Variants in CACNA1C observed in about 807,000 individuals in gnomAD.
CACNA1C encodes the protein voltage-dependent L-type calcium channel subunit alpha-1C.
CACNA1C carries 30 observed loss-of-function variants against 229.0 expected under a neutral mutation model. The ratio of observed to expected loss-of-function variants is 0.13; its 90% CI spans 0.10 to 0.18. CACNA1C has a LOEUF of 0.18. Ranked by LOEUF, CACNA1C falls within the 10% of genes least tolerant of loss-of-function variation. The pLI, the probability that CACNA1C is intolerant of heterozygous loss-of-function variation, is 1.00. For missense variants in CACNA1C, 1,658 were observed against 2,845.0 expected (o/e 0.58, Z 9.49); for synonymous variants, 1,114 against 1,132.5 (o/e 0.98, Z 0.33).
At chr12:2,265,586 AT>A (rs2082083232) in intron 3 of CACNA1C, among the ~76,000 whole-genome samples, 1 of 152,200 alleles carries the variant, frequency 6.6e-6, no homozygotes, top group South Asian at 2.1e-4. Context: ...GCTGAATAGC[AT>A]CCCCCAGGGG....
intron 1 of CACNA1C, among the ~76,000 whole-genome samples, chr12:2,021,730 A>C (rs1054435229): frequency 6.6e-6 from 1 of 152,154 alleles, no homozygotes; most frequent in Non-Finnish European, 1.5e-5. Flanking sequence ...TGGGAAGTCC[A>C]AGATCTAGGC....
At chr12:2,015,642 GC>G (rs1454445263) in intron 1 of CACNA1C, among the ~76,000 whole-genome samples, 2 of 152,116 alleles carry the variant, frequency 1.3e-5, no homozygotes, top group African/African-American at 4.8e-5. Context: ...TTAAAAAGAA[GC>G]CCCATGGCCA....
intron 1 of CACNA1C, among the ~76,000 whole-genome samples, chr12:1,983,870 C>T (rs970176853): frequency 2.0e-5 from 3 of 151,872 alleles, no homozygotes; most frequent in Admixed American, 6.6e-5. Flanking sequence ...CTTCTCCTTT[C>T]GGTTCTATCA....
intron 1 of CACNA1C, among the ~76,000 whole-genome samples, chr12:2,003,104 C>T (rs1382993401): frequency 6.6e-6 from 1 of 152,178 alleles, no homozygotes; most frequent in African/African-American, 2.4e-5. Flanking sequence ...AAATTTCCTC[C>T]GTTAAGAACT....
intron 3 of CACNA1C, among the ~76,000 whole-genome samples, chr12:2,422,911 C>A (rs769690102): frequency 1.3e-5 from 2 of 152,230 alleles, no homozygotes; most frequent in Non-Finnish European, 2.9e-5. Context: ...GGTTTCAGGC[C>A]AGCTCTGCTC....
Position 2,567,565 on chromosome 12 carries a change from C to A in CACNA1C, c.1670-4C>A. 6.4e-7 allele frequency: 1 copy of A among 1,572,422 alleles called. No homozygotes were observed. The highest frequency in any genetic ancestry group is 8.6e-7 in the Non-Finnish European group (1 of 1,157,122). On this transcript the variant is annotated splice_region_variant and splice_polypyrimidine_tract_variant and intron_variant, in intron 12 of 46. Transcript: ENST00000399655. ...GGATCTCATCCCTCTCCTGGGCCTG[C>A]CAGACACGGCAAACAAGGCCCTGCT...
chr12:2,254,955 A>G (rs2076849827), intron 3 of CACNA1C, among the ~76,000 whole-genome samples: 1 of 152,216 alleles, frequency 6.6e-6, no homozygotes, highest in Non-Finnish European at 1.5e-5. Context: ...AGCTTAGCTT[A>G]GTATTTCCTT....
intron 1 of CACNA1C, among the ~76,000 whole-genome samples, chr12:2,104,072 T>A (rs7298917): frequency 2.0e-5 from 3 of 151,990 alleles, no homozygotes; most frequent in Admixed American, 2.0e-4. Context: ...TCTTTTTTGG[T>A]TCCATATGAA....
chr12:2,600,553 C>T (rs1407976502), intron 21 of CACNA1C, among the ~76,000 whole-genome samples: 10 of 152,204 alleles, frequency 6.6e-5, no homozygotes, highest in African/African-American at 2.2e-4. Context: ...GCTTCCTGTC[C>T]GCTGCCTGTC....
intron 3 of CACNA1C, among the ~76,000 whole-genome samples, chr12:2,192,117 CT>C (rs2097257296): frequency 6.6e-6 from 1 of 152,170 alleles, no homozygotes. Context: ...CACACACCCC[CT>C]CCCTCCCTCT....
In CACNA1C at chr12:2,410,905, CTT is replaced by C. The variant is rs2098800305; in HGVS notation, c.478-38070_478-38069del. On this transcript the variant is annotated intron_variant, in intron 3 of 46. Transcript: ENST00000399655. This position sits in a 1 kb window ranked among gnomAD's most constrained non-coding sequence, Gnocchi z 5.3. Reference sequence around the variant, plus strand: ...CTTCTCCTGGCTGCCCTATCCTTCCCTTCTCCTGGCTGCCTCCCATTGTGACA... The same window carrying C: ...CTTCTCCTGGCTGCCCTATCCTTCCCCTCCTGGCTGCCTCCCATTGTGACA... Among the ~76,000 whole-genome samples, 3 of 149,918 alleles carry C rather than the reference CTT, an allele frequency of 2.0e-5. No homozygotes were observed. The South Asian group carries it at 6.2e-4, about 31-fold the overall frequency.
At chr12:2,596,330 C>G (rs2153366306) in intron 20 of CACNA1C, 1 of 222,662 alleles carries the variant, frequency 4.5e-6, no homozygotes. Context: ...CCCTCCCTTG[C>G]TCCCAGCATG....
chr12:2,685,800 C>T lies in CACNA1C; in HGVS notation c.5638C>T (p.Arg1880Trp), dbSNP rs760162531. 6.8e-6 allele frequency: 11 copies of T among 1,613,612 alleles called. No individual in the cohort carries two copies. The highest frequency in any genetic ancestry group is 9.3e-6 in the Non-Finnish European group (11 of 1,179,598). Residue 1880 changes from arginine (R) to tryptophan (W), a missense_variant, in exon 44 of 47, where the codon CGG becomes TGG. By Grantham distance (101) the Arg-to-Trp change is moderately radical. Around this residue, in one of 20 missense-constraint regions of CACNA1C, gnomAD observed 590 missense variants for 700.8 expected, o/e 0.84. Transcript: ENST00000399655. ...CCCAGAGGAGGACAAGAGGGACATC[C>T]GGCAATCTCCGAAGAGGGGTTTCCT... ...TLPEEDKRDI[R>W]QSPKRGFLRS...
intron 1 of CACNA1C, among the ~76,000 whole-genome samples, chr12:2,077,187 A>C (rs910744888): frequency 6.6e-6 from 1 of 152,206 alleles, no homozygotes; most frequent in Admixed American, 6.6e-5. Flanking sequence ...ATGTTGTTTA[A>C]ATTTGAACAT....
At chr12:2,453,268 T>C (rs552572535) in intron 4 of CACNA1C, among the ~76,000 whole-genome samples, 22 of 152,288 alleles carry the variant, frequency 1.4e-4, no homozygotes, top group Non-Finnish European at 2.5e-4. Context: ...GAACTTCTGC[T>C]AATGCATCTG....
At chr12:2,349,549 GC>G (rs1178710880) in intron 3 of CACNA1C, among the ~76,000 whole-genome samples, 3 of 152,112 alleles carry the variant, frequency 2.0e-5, no homozygotes, top group Non-Finnish European at 4.4e-5. Context: ...TCCCACGTCT[GC>G]CCCCTGCCCT....
At chr12:2,680,464 C>A (rs748772923) in intron 42 of CACNA1C, 2 of 1,564,182 alleles carry the variant, frequency 1.3e-6, no homozygotes, top group Admixed American at 3.8e-5. Flanking sequence ...GGTTCCCTGG[C>A]GGGGCTGAGA....
intron 9 of CACNA1C, among the ~76,000 whole-genome samples, chr12:2,522,953 C>T (rs911855745): frequency 6.6e-6 from 1 of 152,152 alleles, no homozygotes; most frequent in South Asian, 2.1e-4. Context: ...TCCCTCCGTA[C>T]CATGCTGGTC....
intron 30 of CACNA1C, among the ~76,000 whole-genome samples, chr12:2,643,290 C>T (rs2093949629): frequency 6.6e-6 from 1 of 152,192 alleles, no homozygotes; most frequent in Non-Finnish European, 1.5e-5. Context: ...TTCCATGGTC[C>T]CTGTCCATCT....
Sources: allele counts gnomAD v4.1 joint callset (sites outside exome capture counted in the v4.1 genomes callset), GRCh38; gene constraint gnomAD v4.1.1; regional missense constraint gnomAD v4.1.1; non-coding constraint Gnocchi (gnomAD v3.1); transcripts MANE v1.5; gene names NCBI Gene and HGNC (gene_info 2026-07-23, HGNC 2026-07-21).